Variants in NARS2 observed in about 807,000 individuals in gnomAD.
The protein encoded by NARS2 is asparaginyl-tRNA synthetase 2, mitochondrial, also known as asparaginyl-tRNA synthetase.
A neutral mutation model predicts 62.9 loss-of-function variants in NARS2; 60 were observed. The ratio of observed to expected loss-of-function variants is 0.95; its 90% CI spans 0.77 to 1.18. NARS2 has a LOEUF of 1.18. NARS2 is among the 50% of genes most tolerant of loss of function. NARS2 has a pLI of 0.00. For missense variants in NARS2, 619 were observed against 576.4 expected (o/e 1.07, Z -0.76); for synonymous variants, 196 against 200.0 (o/e 0.98, Z 0.17).
intron 6 of NARS2, among the ~76,000 whole-genome samples, chr11:78,527,098 T>A (rs553011337): frequency 2.6e-5 from 4 of 152,304 alleles, no homozygotes; most frequent in African/African-American, 9.6e-5. Flanking sequence ...TGCAAATAAC[T>A]CTACCAGGTA....
chr11:78,458,913 TTTTG>T (rs1353189147), intron 11 of NARS2, among the ~76,000 whole-genome samples: 98 of 151,790 alleles, frequency 6.5e-4, no homozygotes, highest in East Asian at 1.5e-3. Context: ...TGGGTTTTTT[TTTTG>T]TTTGTTTGTT....
intron 7 of NARS2, among the ~76,000 whole-genome samples, chr11:78,480,277 G>T (rs991935311): frequency 1.3e-5 from 2 of 151,924 alleles, no homozygotes; most frequent in South Asian, 2.1e-4. Flanking sequence ...TTTATTTATT[G>T]TTTTTTTAGA....
At chr11:78,511,522 C>T (rs1372680448) in intron 6 of NARS2, among the ~76,000 whole-genome samples, 1 of 152,094 alleles carries the variant, frequency 6.6e-6, no homozygotes, top group African/African-American at 2.4e-5. Context: ...TTGAGACCAT[C>T]CTGGCTAACA....
intron 11 of NARS2, among the ~76,000 whole-genome samples, chr11:78,444,682 G>A (rs573885178): frequency 1.4e-5 from 2 of 144,884 alleles, no homozygotes; most frequent in South Asian, 4.4e-4. Flanking sequence ...TTGCACCACT[G>A]CATTCTAGCC....
chr11:78,571,084 G>A (rs1032804606), intron 2 of NARS2, among the ~76,000 whole-genome samples: 1 of 152,120 alleles, frequency 6.6e-6, no homozygotes, highest in Non-Finnish European at 1.5e-5. Flanking sequence ...GGGAGCCGCA[G>A]GTAATTAAGA....
chr11:78,437,676 T>G (rs1387037384), intron 13 of NARS2, among the ~76,000 whole-genome samples: 2 of 152,086 alleles, frequency 1.3e-5, no homozygotes, highest in Non-Finnish European at 2.9e-5. Context: ...TATATAATAT[T>G]GATTAAAACA....
chr11:78,475,801 A>G (rs1044969732), intron 9 of NARS2, among the ~76,000 whole-genome samples: 11 of 151,868 alleles, frequency 7.2e-5, no homozygotes, highest in South Asian at 4.2e-4. Flanking sequence ...GGGTCTCACT[A>G]AGTTGGCCAG....
At chr11:78,521,810 G>A (rs200124670) in intron 6 of NARS2, among the ~76,000 whole-genome samples, 1,709 of 100,772 alleles carry the variant, frequency 0.017, 27 homozygotes, top group African/African-American at 0.046. Flanking sequence ...AAAAAAAAAA[G>A]AAAAGCCCGG....
At chr11:78,466,163 A>T in intron 10 of NARS2, 150 bp from the exon 11 acceptor site, 1 of 744,900 alleles carries the variant, frequency 1.3e-6, no homozygotes, top group Non-Finnish European at 2.1e-6. Context: ...CAGCTGACTA[A>T]ACAAGAGAGA....
chr11:78,450,937 C>T (rs2135163485), intron 11 of NARS2, among the ~76,000 whole-genome samples: 1 of 152,242 alleles, frequency 6.6e-6, no homozygotes, highest in African/African-American at 2.4e-5. Context: ...CCACCTGGGC[C>T]TCCAAAGTGC....
At chr11:78,529,082 C>T in intron 5 of NARS2, 146 bp from the exon 6 acceptor site, 2 of 583,402 alleles carry the variant, frequency 3.4e-6, no homozygotes, top group Non-Finnish European at 6.0e-6. Context: ...GGTAGTTACA[C>T]ATCTAAGACA....
At chr11:78,448,853 A>G (rs534167692) in intron 11 of NARS2, among the ~76,000 whole-genome samples, 117 of 152,208 alleles carry the variant, frequency 7.7e-4, no homozygotes, top group Non-Finnish European at 1.5e-3. Flanking sequence ...TGCTGCTAAG[A>G]TAACTAAAAC....
At chr11:78,537,256 G>C (rs561160450) in intron 5 of NARS2, among the ~76,000 whole-genome samples, 1 of 152,184 alleles carries the variant, frequency 6.6e-6, no homozygotes, top group Non-Finnish European at 1.5e-5. Flanking sequence ...AAATGTGCAT[G>C]TGGATACAAA....
chr11:78,440,220 T>C (rs866804399), intron 13 of NARS2, among the ~76,000 whole-genome samples: 2 of 152,036 alleles, frequency 1.3e-5, no homozygotes, highest in Admixed American at 6.6e-5. Context: ...CACGCCACCA[T>C]GCCCAGCTAG....
chr11:78,504,724 C>G (rs1860422941), intron 6 of NARS2, among the ~76,000 whole-genome samples: 4 of 152,114 alleles, frequency 2.6e-5, no homozygotes, highest in African/African-American at 7.2e-5. Context: ...CTTCTACAGC[C>G]TATGAGGCAT....
At chr11:78,504,888 C>T (rs997110281) in intron 6 of NARS2, among the ~76,000 whole-genome samples, 1 of 152,080 alleles carries the variant, frequency 6.6e-6, no homozygotes, top group Admixed American at 6.5e-5. Flanking sequence ...TAACTGTTAT[C>T]AGCCCTCCCT....
At chr11:78,467,567 AAATTAATT>A (rs1190417130) in intron 10 of NARS2, among the ~76,000 whole-genome samples, 1 of 133,508 alleles carries the variant, frequency 7.5e-6, no homozygotes, top group East Asian at 2.6e-4. Flanking sequence ...ATAAATAAAT[AAATTAATT>A]AATTAATTAA....
rs1187088433 is a variant in NARS2, at chr11:78,519,867, A to AT, written c.689+8974dup. 1.2e-4 allele frequency among the ~76,000 whole-genome samples: 18 copies of AT among 151,916 alleles called. No homozygotes were observed. In the South Asian group the frequency reaches 3.3e-3, roughly 28 times the overall value. On this transcript the variant is annotated intron_variant, in intron 6 of 13. Transcript: ENST00000281038. ...AGGCGCATGCCACCACGCCTGGCTA[A>AT]TTTTTTTAGTAGAGACGGGGTTTCA...
At chr11:78,571,033 A>C (rs1171201408) in intron 2 of NARS2, among the ~76,000 whole-genome samples, 1 of 152,210 alleles carries the variant, frequency 6.6e-6, no homozygotes, top group Non-Finnish European at 1.5e-5. Flanking sequence ...CAGAGGCAGC[A>C]ACATGTACAA....
Sources: allele counts gnomAD v4.1 joint callset (sites outside exome capture counted in the v4.1 genomes callset), GRCh38; gene constraint gnomAD v4.1.1; transcripts MANE v1.5; gene names NCBI Gene and HGNC (gene_info 2026-07-23, HGNC 2026-07-21).